The following RAPGEF2 variants were observed in gnomAD, a reference collection of about 807,000 sequenced individuals.
The protein encoded by RAPGEF2 is Rap guanine nucleotide exchange factor 2.
A neutral mutation model predicts 186.7 loss-of-function variants in RAPGEF2; 54 were observed. That is an observed-to-expected ratio of 0.29 (90% CI 0.23 to 0.36). The LOEUF is 0.36. Among genes scored for constraint, RAPGEF2 ranks in the 10% least tolerant of loss-of-function variants. The probability of loss-of-function intolerance (pLI) is 1.00; values close to 1 mark genes in which losing one functional copy is unlikely to be tolerated. For missense variants in RAPGEF2, 1,532 were observed against 2,045.0 expected, an observed-to-expected ratio of 0.75 and a Z score of 4.84; for synonymous variants, 712 against 705.9, an observed-to-expected ratio of 1.01 and a Z score of -0.14.
intron 3 of RAPGEF2, among the ~76,000 whole-genome samples, chr4:159,197,766 A>G (rs1163533990): frequency 6.6e-6 from 1 of 152,164 alleles, no homozygotes; most frequent in East Asian, 1.9e-4. Context: ...AGGCTGCTCA[A>G]CCATCGCTGT....
intron 1 of RAPGEF2, among the ~76,000 whole-genome samples, chr4:159,178,901 T>C (rs1746740070): frequency 6.6e-6 from 1 of 152,142 alleles, no homozygotes; most frequent in South Asian, 2.1e-4. Flanking sequence ...GAGGATTGAC[T>C]TGGATAGGTT....
At position 159,359,600 on chromosome 4, in the gene RAPGEF2, T is replaced by C. The variant is rs1732505149; in HGVS notation, c.*1461T>C. On this transcript the variant is annotated 3_prime_UTR_variant, in exon 30 of 30. Transcript: ENST00000691494. ...TTTCCATTAAATTCAGCTGATCATA[T>C]TGATCAGTAGATAAACGTAAATAGC... is the stretch of plus-strand genomic sequence containing the variant. The C allele has an allele frequency of 6.6e-6, 1 of 152,256 alleles. No homozygotes were observed. Among genetic ancestry groups the C allele is most frequent in the African/African-American group, 2.4e-5 (1 of 41,478 alleles). The allele number at this position is 152,256 out of a possible 1,614,324, so 9.4% of individuals were successfully genotyped here.
At chr4:159,156,779 T>G (rs935913707) in intron 1 of RAPGEF2, among the ~76,000 whole-genome samples, 8 of 152,148 alleles carry the variant, frequency 5.3e-5, no homozygotes, top group African/African-American at 1.7e-4. Flanking sequence ...GCAGTTGGTC[T>G]CGATATCTGC....
intron 17 of RAPGEF2, among the ~76,000 whole-genome samples, chr4:159,333,140 C>T (rs1442735425): frequency 1.3e-5 from 2 of 151,996 alleles, no homozygotes; most frequent in African/African-American, 4.8e-5. Flanking sequence ...CCACTGCACC[C>T]GGCTAATTTT....
chr4:159,128,940 GTGTGTATATATA>G (rs1219504444), intron 1 of RAPGEF2: 2 of 144,004 alleles, frequency 1.4e-5, no homozygotes, highest in African/African-American at 5.2e-5. Flanking sequence ...GTGTGTGTGT[GTGTGTATATATA>G]TATATATATA....
At position 159,297,469 on chromosome 4, in the gene RAPGEF2, T is replaced by A. The variant is rs532839368; in HGVS notation, c.544-6873T>A. On this transcript the variant is annotated intron_variant, in intron 7 of 29. Coordinates refer to ENST00000691494, the MANE Select transcript of RAPGEF2 (RefSeq NM_001394067.2). Reference sequence around the variant, plus strand: ...GCAAGTTGTTATCACTTTGAGAGAATTCTAAACTACAGAAATTTGAATATT... The same window carrying A: ...GCAAGTTGTTATCACTTTGAGAGAAATCTAAACTACAGAAATTTGAATATT... 7.2e-5 allele frequency among the ~76,000 whole-genome samples: 11 copies of A among 152,352 alleles called. 1 individual carries two copies. The South Asian group carries it at 2.3e-3, about 32-fold the overall frequency.
At chr4:159,328,045 T>C (rs186317616) in intron 11 of RAPGEF2, 18 of 152,278 alleles carry the variant, frequency 1.2e-4, no homozygotes, top group African/African-American at 3.6e-4. Context: ...TTCAGTTGAA[T>C]TCAGGGATGT....
Position 159,127,269 on chromosome 4 carries a change from C to T in RAPGEF2, c.69+23038C>T, listed in dbSNP as rs373963248. ...TTTGAATTCCTGACCTCAGGTGATC[C>T]GCCTGCCTTGGCCTCCCAAAGTGCT... On this transcript the variant is annotated intron_variant, in intron 1 of 29. Transcript: ENST00000691494. Among the ~76,000 whole-genome samples, 252 of 152,280 alleles carry T rather than the reference C, an allele frequency of 1.7e-3. 1 individual carries two copies. The highest frequency in any genetic ancestry group is 5.6e-3 in the African/African-American group (231 of 41,530).
chr4:159,123,309 T>C (rs1210765265), intron 1 of RAPGEF2, among the ~76,000 whole-genome samples: 1 of 152,236 alleles, frequency 6.6e-6, no homozygotes, highest in African/African-American at 2.4e-5. Context: ...GCTTTTGTGA[T>C]GGAACACTTA....
At chr4:159,155,125 A>G (rs561664140) in intron 1 of RAPGEF2, among the ~76,000 whole-genome samples, 1 of 152,290 alleles carries the variant, frequency 6.6e-6, no homozygotes, top group East Asian at 1.9e-4. Flanking sequence ...AACACAGTGA[A>G]ACTGTCAGCT....
chr4:159,281,335 G>A (rs934063690), intron 7 of RAPGEF2, among the ~76,000 whole-genome samples: 14 of 151,976 alleles, frequency 9.2e-5, no homozygotes, highest in African/African-American at 3.4e-4. Context: ...TCAAAATGGA[G>A]ATCATGATTG....
chr4:159,232,113 G>A (rs1752707481), intron 4 of RAPGEF2, among the ~76,000 whole-genome samples: 1 of 151,984 alleles, frequency 6.6e-6, no homozygotes, highest in Non-Finnish European at 1.5e-5. Flanking sequence ...TTTAATTGTA[G>A]TAAAAATTAT....
At chr4:159,115,757 A>C (rs1240638476) in intron 1 of RAPGEF2, among the ~76,000 whole-genome samples, 4 of 152,236 alleles carry the variant, frequency 2.6e-5, no homozygotes, top group Admixed American at 2.6e-4. Flanking sequence ...ATGGAACAGA[A>C]TAGTGATCTC....
intron 1 of RAPGEF2, among the ~76,000 whole-genome samples, chr4:159,172,298 A>G (rs1745992241): frequency 6.6e-6 from 1 of 152,144 alleles, no homozygotes; most frequent in Non-Finnish European, 1.5e-5. Context: ...ACCACCCTTT[A>G]TAACACTGGC....
rs983766315 is a variant in RAPGEF2, at chr4:159,354,160, A to G, written c.4651+114A>G. The G allele has an allele frequency of 3.1e-5, 36 of 1,145,204 alleles. 1 individual carries two copies. The East Asian group carries it at 4.4e-4, about 14-fold the overall frequency. 70.9% of individuals were successfully genotyped at this position (1,145,204 alleles called of 1,614,324 possible). A position where few individuals can be genotyped will look rare whatever the true frequency, so the allele number is the denominator to read the frequency against. On this transcript the variant is annotated intron_variant, in intron 28 of 29. Transcript: ENST00000691494. ...TCTTTTCCTCATTTTCTCCATTGCT[A>G]TGTAGGACTTCCAAATTAGTGGTGT... is the stretch of plus-strand genomic sequence containing the variant.
chr4:159,192,886 T>C (rs567010782), intron 2 of RAPGEF2, among the ~76,000 whole-genome samples: 12 of 152,342 alleles, frequency 7.9e-5, no homozygotes, highest in African/African-American at 2.4e-4. Context: ...TTTATTTATC[T>C]TGGGGAACAT....
chr4:159,145,289 C>A (rs1001158818), intron 1 of RAPGEF2, among the ~76,000 whole-genome samples: 5 of 151,944 alleles, frequency 3.3e-5, no homozygotes, highest in African/African-American at 1.2e-4. Context: ...TGCTTGCTGT[C>A]GGATAGAACA....
At chr4:159,243,285 CA>C (rs2111483351) in intron 6 of RAPGEF2, among the ~76,000 whole-genome samples, 1 of 151,822 alleles carries the variant, frequency 6.6e-6, no homozygotes, top group East Asian at 1.9e-4. Flanking sequence ...AGATTGGCAA[CA>C]ACATGGTCAT....
rs1731518300 is a variant in RAPGEF2, at chr4:159,353,581, G to T, written c.4186G>T (p.Asp1396Tyr). The change falls in exon 28 of 30, where the codon GAT (aspartate) becomes TAT (tyrosine). Residue 1396 changes from aspartate (D) to tyrosine (Y), a missense_variant. Physicochemically the swap from Asp to Tyr is radical, Grantham distance 160. Around this residue, in one of 4 missense-constraint regions of RAPGEF2, gnomAD observed 594 missense variants for 608.5 expected, o/e 0.98. Coordinates refer to ENST00000691494, the MANE Select transcript of RAPGEF2 (RefSeq NM_001394067.2). The surrounding 1 kb of genome is among the most constrained non-coding windows in gnomAD (Gnocchi z 4.3). ...STEELSQDQG[D>Y]RASLDAADSG... ...AGAGGAACTTTCCCAGGATCAGGGG[G>T]ATCGCGCGTCACTTGATGCTGCTGA... 2.5e-6 allele frequency: 4 copies of T among 1,587,302 alleles called. No individual in the cohort carries two copies. Among genetic ancestry groups the T allele is most frequent in the Non-Finnish European group, 1.7e-6 (2 of 1,169,604 alleles).
Sources: gnomAD v4.1 joint callset for allele counts (sites outside exome capture counted in the v4.1 genomes callset) on GRCh38, gnomAD v4.1.1 for gene constraint, gnomAD v4.1.1 regional missense constraint, Gnocchi (gnomAD v3.1) non-coding constraint, MANE v1.5 for transcripts, NCBI Gene and HGNC (gene_info 2026-07-23, HGNC 2026-07-21) for gene names.